REEP3: variants seen among roughly 807,000 people sequenced by gnomAD.
REEP3 encodes receptor expression-enhancing protein 3.
Under a neutral mutation model 41.3 loss-of-function variants are expected in REEP3, and 20 were observed. The observed-to-expected ratio is 0.48, with a 90% CI of 0.34 to 0.70. The LOEUF (loss-of-function observed/expected upper bound fraction) is 0.70, where lower values mean the gene tolerates loss of function less well. REEP3 is among the 30% of genes least tolerant of loss of function. The probability of loss-of-function intolerance (pLI) is 0.01; values close to 1 mark genes in which losing one functional copy is unlikely to be tolerated. For synonymous variants in REEP3, 104 were observed against 101.8 expected (o/e 1.02, Z -0.13); for missense variants, 271 against 308.8 (o/e 0.88, Z 0.92).
At chr10:63,532,250 C>T (rs1302193502) in intron 1 of REEP3, among the ~76,000 whole-genome samples, 1 of 152,076 alleles carries the variant, frequency 6.6e-6, no homozygotes, top group African/African-American at 2.4e-5. Flanking sequence ...TAGGACAAAT[C>T]TAAACAAAAT....
intron 5 of REEP3, among the ~76,000 whole-genome samples, chr10:63,607,412 T>A (rs1423835572): frequency 1.3e-5 from 2 of 152,332 alleles, no homozygotes; most frequent in East Asian, 1.9e-4. Context: ...TTTAGATAGA[T>A]CACCCAGATA....
At chr10:63,554,179 A>G (rs1211733117) in intron 1 of REEP3, among the ~76,000 whole-genome samples, 1 of 152,116 alleles carries the variant, frequency 6.6e-6, no homozygotes, top group Non-Finnish European at 1.5e-5. Flanking sequence ...GTAAGTTCAA[A>G]TTTTACACAT....
chr10:63,619,462 A>G (rs1273730953), intron 6 of REEP3, among the ~76,000 whole-genome samples, 193 bp from the exon 7 acceptor site: 3 of 152,240 alleles, frequency 2.0e-5, no homozygotes, highest in Non-Finnish European at 2.9e-5. Flanking sequence ...CCTGGAGGAA[A>G]TGAGTTATGA....
At chr10:63,594,691 A>C in intron 2 of REEP3, 87 bp from the exon 3 acceptor site, 2 of 843,786 alleles carry the variant, frequency 2.4e-6, no homozygotes, top group Non-Finnish European at 4.0e-6. Context: ...TTATTATGAA[A>C]TCCAGAAATA....
chr10:63,587,357 C>T (rs1458621960), intron 2 of REEP3, among the ~76,000 whole-genome samples: 1 of 152,166 alleles, frequency 6.6e-6, no homozygotes, highest in Non-Finnish European at 1.5e-5. Flanking sequence ...AGCACTGTCA[C>T]GACCAGTCCG....
intron 1 of REEP3, among the ~76,000 whole-genome samples, chr10:63,532,554 C>G (rs918244611): frequency 6.6e-6 from 1 of 151,356 alleles, no homozygotes; most frequent in Non-Finnish European, 1.5e-5. Flanking sequence ...CCCAGCTACT[C>G]GAAGGGAGGC....
chr10:63,583,695 A>C (rs561670715), intron 2 of REEP3, among the ~76,000 whole-genome samples: 10 of 152,380 alleles, frequency 6.6e-5, no homozygotes, highest in African/African-American at 2.2e-4. Flanking sequence ...TGTGTAGTCC[A>C]GTCTATATTT....
At chr10:63,529,174 C>G (rs1955395335) in intron 1 of REEP3, among the ~76,000 whole-genome samples, 1 of 152,164 alleles carries the variant, frequency 6.6e-6, no homozygotes, top group African/African-American at 2.4e-5. Context: ...CTCATGAAAG[C>G]TGCAGTGAAT....
chr10:63,592,765 C>T (rs897174634), intron 2 of REEP3, among the ~76,000 whole-genome samples: 20 of 152,008 alleles, frequency 1.3e-4, no homozygotes, highest in Admixed American at 3.9e-4. Flanking sequence ...TGGTGGCGTG[C>T]GCCTGTAATC....
intron 5 of REEP3, among the ~76,000 whole-genome samples, chr10:63,601,019 G>A (rs972681973): frequency 6.6e-6 from 1 of 151,374 alleles, no homozygotes; most frequent in Non-Finnish European, 1.5e-5. Context: ...TGGGCGTGGT[G>A]GGGGGGCGCC....
chr10:63,552,947 A>G (rs977335948), intron 1 of REEP3, among the ~76,000 whole-genome samples: 1 of 152,248 alleles, frequency 6.6e-6, no homozygotes, highest in African/African-American at 2.4e-5. Flanking sequence ...ATTTTCTTGT[A>G]GTAAGAAAGT....
chr10:63,608,929 A>G (rs1589888046), intron 5 of REEP3, among the ~76,000 whole-genome samples: 1 of 152,236 alleles, frequency 6.6e-6, no homozygotes, highest in South Asian at 2.1e-4. Context: ...CTTAATTTCA[A>G]CTTAAATACC....
In REEP3 at chr10:63,566,417, A is replaced by G; in HGVS notation, c.105+7A>G. On this transcript the variant is annotated splice_region_variant and intron_variant, in intron 2 of 7. Coordinates refer to ENST00000373758, the MANE Select transcript of REEP3 (RefSeq NM_001001330.3). ...AAAAAACGTGAAGGAATATGTAAGT[A>G]TAGTTTTATGAGTGATTAATCTGAG... is the stretch of plus-strand genomic sequence containing the variant. 7.0e-7 allele frequency: 1 copy of G among 1,427,702 alleles called. No individual in the cohort carries two copies. The highest frequency in any genetic ancestry group is 9.7e-7 in the Non-Finnish European group (1 of 1,034,792). 88.4% of individuals were successfully genotyped at this position (1,427,702 alleles called of 1,614,324 possible).
rs1337914857 is a variant in REEP3 at position 63,556,625 on chromosome 10, TGTTG to T, written c.33-9712_33-9709del. On this transcript the variant is annotated intron_variant, in intron 1 of 7. Transcript: ENST00000373758. ...TTTTCTGTTTGCTTGTTTTTTTTTT[TGTTG>T]TTTTGTTTTTTTTTTTTTTTTTTTG... Among the ~76,000 whole-genome samples, 42 of 14,194 alleles carry T rather than the reference TGTTG, an allele frequency of 3.0e-3. 2 individuals are homozygous for T. Among genetic ancestry groups the T allele is most frequent in the African/African-American group, 6.2e-3 (31 of 5,016 alleles). The allele number at this position is 14,194 out of a possible 152,430, so 9.3% of individuals were successfully genotyped here.
intron 6 of REEP3, among the ~76,000 whole-genome samples, chr10:63,615,284 G>GA (rs1288349556): frequency 6.6e-6 from 1 of 151,852 alleles, no homozygotes; most frequent in Non-Finnish European, 1.5e-5. Flanking sequence ...TCTTCATTTT[G>GA]AAAAAATAAG....
chr10:63,589,118 C>A (rs1819970553), intron 2 of REEP3, among the ~76,000 whole-genome samples: 1 of 152,096 alleles, frequency 6.6e-6, no homozygotes, highest in South Asian at 2.1e-4. Flanking sequence ...AGAGGAATGG[C>A]ATGATTTGGC....
intron 2 of REEP3, among the ~76,000 whole-genome samples, chr10:63,567,375 C>T (rs151114600): frequency 6.6e-6 from 1 of 152,258 alleles, no homozygotes; most frequent in African/African-American, 2.4e-5. Flanking sequence ...CACCAACCTG[C>T]TGTCTGTATG....
At chr10:63,604,994 C>T (rs2133421707) in intron 5 of REEP3, among the ~76,000 whole-genome samples, 1 of 152,268 alleles carries the variant, frequency 6.6e-6, no homozygotes, top group Non-Finnish European at 1.5e-5. Flanking sequence ...TGAGAGGGGG[C>T]TGCTACTGGT....
At chr10:63,572,693 A>G (rs1955864048) in intron 2 of REEP3, among the ~76,000 whole-genome samples, 1 of 152,196 alleles carries the variant, frequency 6.6e-6, no homozygotes, top group African/African-American at 2.4e-5. Context: ...AGCACCTTAT[A>G]GTATCTGATG....
Sources: allele counts gnomAD v4.1 joint callset (sites outside exome capture counted in the v4.1 genomes callset), GRCh38; gene constraint gnomAD v4.1.1; transcripts MANE v1.5; gene names NCBI Gene and HGNC (gene_info 2026-07-23, HGNC 2026-07-21).